EDNRB: variants seen among roughly 807,000 people sequenced by gnomAD.
EDNRB encodes the protein Hirschsprung disease 2.
In EDNRB, 18 loss-of-function variants were observed where a neutral mutation model predicts 46.4. That is an observed-to-expected ratio of 0.39 (90% confidence interval 0.27 to 0.57). EDNRB has a LOEUF of 0.57. EDNRB is among the 20% of genes least tolerant of loss of function. The pLI, the probability that EDNRB is intolerant of heterozygous loss-of-function variation, is 0.61. For synonymous variants in EDNRB, 213 were observed against 204.9 expected, an observed-to-expected ratio of 1.04 and a Z score of -0.34; for missense variants, 434 against 537.5, an observed-to-expected ratio of 0.81 and a Z score of 1.90.
In EDNRB at chr13:77,918,061, C is replaced by G. The variant is rs1379926864; in HGVS notation, c.483+30G>C. The stretch of plus-strand genomic sequence containing the variant: ...CTCCAACCAGGCCCCCTTCCTCAAG[C>G]CCACCATGATTTCAGCAGGCGCCCT... On this transcript the variant is annotated intron_variant, in intron 1 of 6. Transcript: ENST00000646607. The surrounding 1 kb of genome is among the most constrained non-coding windows in gnomAD (Gnocchi z 4.5). 2.5e-6 allele frequency: 4 copies of G among 1,613,434 alleles called. No homozygotes were observed. The highest frequency in any genetic ancestry group is 3.4e-6 in the Non-Finnish European group (4 of 1,180,034).
intron 1 of EDNRB, among the ~76,000 whole-genome samples, chr13:77,929,512 A>C (rs1880327769): frequency 6.6e-6 from 1 of 152,172 alleles, no homozygotes; most frequent in African/African-American, 2.4e-5. Context: ...AGTTGCCATT[A>C]AGATTTGGGG....
intron 1 of EDNRB, among the ~76,000 whole-genome samples, chr13:77,932,635 A>G (rs1476271856): frequency 1.3e-5 from 2 of 152,230 alleles, no homozygotes; most frequent in Non-Finnish European, 2.9e-5. Flanking sequence ...TTGTAACCAT[A>G]TATTTTGGAC....
At chr13:77,968,615 A>G (rs1336199598) in intron 1 of EDNRB, among the ~76,000 whole-genome samples, 1 of 152,182 alleles carries the variant, frequency 6.6e-6, no homozygotes, top group Non-Finnish European at 1.5e-5. Context: ...AAAAATAATT[A>G]TAAGTTTTAT....
chr13:77,926,045 G>A (rs777934590), intron 1 of EDNRB, among the ~76,000 whole-genome samples: 1 of 152,204 alleles, frequency 6.6e-6, no homozygotes, highest in African/African-American at 2.4e-5. Flanking sequence ...CATGGGGCCG[G>A]AAGCCCCTTT....
At chr13:77,922,538 A>T (rs1880115084), upstream of EDNRB, among the ~76,000 whole-genome samples, 1 of 152,210 alleles carries the variant, frequency 6.6e-6, no homozygotes, top group South Asian at 2.1e-4. Flanking sequence ...ACACAGAAAG[A>T]GTTGGTTCAA....
At chr13:77,961,639 A>T (rs540705291) in intron 1 of EDNRB, among the ~76,000 whole-genome samples, 2 of 152,354 alleles carry the variant, frequency 1.3e-5, no homozygotes, top group East Asian at 3.9e-4. Flanking sequence ...CAGTGTGTAG[A>T]GGGAAATTTA....
chr13:77,962,700 G>A (rs934784685), intron 1 of EDNRB, among the ~76,000 whole-genome samples: 2 of 152,146 alleles, frequency 1.3e-5, no homozygotes, highest in Admixed American at 1.3e-4. Context: ...CATTCCGTTT[G>A]AAAACTGGCA....
chr13:77,914,759 C>G (rs1240963932), intron 1 of EDNRB, among the ~76,000 whole-genome samples: 1 of 152,210 alleles, frequency 6.6e-6, no homozygotes, highest in Non-Finnish European at 1.5e-5. Flanking sequence ...CAATGCTTTT[C>G]AGCTTCCCAC....
At chr13:77,937,765 G>A (rs1031715735) in intron 1 of EDNRB, among the ~76,000 whole-genome samples, 2 of 152,122 alleles carry the variant, frequency 1.3e-5, no homozygotes, top group Non-Finnish European at 2.9e-5. Flanking sequence ...GCGATGAGGG[G>A]AGAGGTCAGA....
At position 77,914,968 on chromosome 13, in the gene EDNRB, C is replaced by T. The variant is rs538608419; in HGVS notation, c.483+3123G>A. On this transcript the variant is annotated intron_variant, in intron 1 of 6. Transcript: ENST00000646607. ...CCAACAAGAGAGTAGGAGAATTTCA[C>T]AAACCCCCAGAAATTGTGTATATTG... Among the ~76,000 whole-genome samples, 8 of 152,282 alleles carry T rather than the reference C, an allele frequency of 5.3e-5. No individual in the cohort carries two copies. In the South Asian group the frequency reaches 1.4e-3, roughly 28 times the overall value.
intron 1 of EDNRB, among the ~76,000 whole-genome samples, chr13:77,971,164 A>G (rs4885500): frequency 0.25 from 37,502 of 152,122 alleles, 5,824 homozygotes; most frequent in East Asian, 0.54. Flanking sequence ...GTTTAACTGG[A>G]CTCTCTGATA....
chr13:77,938,525 C>T (rs574841106), intron 1 of EDNRB, among the ~76,000 whole-genome samples: 84 of 152,090 alleles, frequency 5.5e-4, no homozygotes, highest in Middle Eastern at 3.4e-3. Flanking sequence ...TGGTACTTGC[C>T]GCTAAGGGTG....
rs1446134612 is a variant in EDNRB, at chr13:77,940,023, TAAAATA to T, written c.-51-21405_-51-21400del. The T allele has an allele frequency of 4.1e-5, 6 of 147,782 alleles. No individual in the cohort carries two copies. The East Asian group carries it at 9.9e-4, about 24-fold the overall frequency. The allele number at this position is 147,782 out of a possible 1,614,324, so 9.2% of individuals were successfully genotyped here. A position where few individuals can be genotyped will look rare whatever the true frequency, so the allele number is the denominator to read the frequency against. On this transcript the variant is annotated intron_variant, in intron 1 of 7. Transcript: ENST00000646948. ...ATAAATAAATAAATAAATAAATAAA[TAAAATA>T]AAAATAAAAATTCTTATGTACAGAC...
At chr13:77,905,244 C>T (rs1448412367) in intron 1 of EDNRB, among the ~76,000 whole-genome samples, 1 of 151,828 alleles carries the variant, frequency 6.6e-6, no homozygotes, top group Non-Finnish European at 1.5e-5. Flanking sequence ...TGCTAGTAGA[C>T]ATCACATACT....
chr13:77,931,707 A>G lies in EDNRB; in HGVS notation c.-51-13083T>C, dbSNP rs960484537. 4.1e-5 allele frequency among the ~76,000 whole-genome samples: 6 copies of G among 145,798 alleles called. No homozygotes were observed. In the Admixed American group the frequency reaches 4.2e-4, roughly 10 times the overall value. ...CCAGCCTTTTTTGAGTCTCAGCTAC[A>G]GCTCTATTTTTCCTTAGCATTGAAA... On this transcript the variant is annotated intron_variant, in intron 1 of 7. Transcript: ENST00000646948.
intron 1 of EDNRB, among the ~76,000 whole-genome samples, chr13:77,909,297 T>G (rs755314046): frequency 2.6e-5 from 4 of 152,054 alleles, no homozygotes; most frequent in Non-Finnish European, 4.4e-5. Context: ...AAAATTTTTC[T>G]AAAAGGATAA....
rs959589604 is a variant in EDNRB, at chr13:77,960,959, A to G, written c.-52+14388T>C. ...AAAGAGACAAAGAAGGCCATTACAT[A>G]ATGGTAAAGGGATCAATTCAACAAG... On this transcript the variant is annotated intron_variant, in intron 1 of 7. Coordinates refer to the EDNRB transcript ENST00000646948. Among the ~76,000 whole-genome samples the G allele has an allele frequency of 1.1e-3, 168 of 152,186 alleles. 1 individual carries two copies. The highest frequency in any genetic ancestry group is 1.5e-3 in the Non-Finnish European group (105 of 68,036).
chr13:77,930,666 TGA>T (rs1226939735), intron 1 of EDNRB, among the ~76,000 whole-genome samples: 1 of 152,348 alleles, frequency 6.6e-6, no homozygotes, highest in Non-Finnish European at 1.5e-5. Flanking sequence ...TCAGAAATGT[TGA>T]GTTTGTAACT....
intron 1 of EDNRB, among the ~76,000 whole-genome samples, chr13:77,935,206 C>T (rs1203734671): frequency 6.6e-6 from 1 of 152,188 alleles, no homozygotes; most frequent in East Asian, 1.9e-4. Flanking sequence ...CGGCGGCCGC[C>T]ACACGCAAAC....
Sources: gnomAD v4.1 joint callset for allele counts (sites outside exome capture counted in the v4.1 genomes callset) on GRCh38, gnomAD v4.1.1 for gene constraint, Gnocchi (gnomAD v3.1) non-coding constraint, MANE v1.5 for transcripts, NCBI Gene and HGNC (gene_info 2026-07-23, HGNC 2026-07-21) for gene names.